STIM2: variants seen among roughly 807,000 people sequenced by gnomAD.
The protein encoded by STIM2 is stromal interaction molecule 2.
A neutral mutation model predicts 85.8 loss-of-function variants in STIM2; 31 were observed. That is an observed-to-expected ratio of 0.36 (90% confidence interval 0.27 to 0.49). The LOEUF (loss-of-function observed/expected upper bound fraction) is 0.49. STIM2 is among the 20% of genes least tolerant of loss of function. The pLI is 0.98. For synonymous variants in STIM2, 356 were observed against 331.1 expected (o/e 1.08, Z -0.82); for missense variants, 841 against 927.6 (o/e 0.91, Z 1.21).
At chr4:26,980,939 C>G (rs115963404) in intron 3 of STIM2, among the ~76,000 whole-genome samples, 3 of 151,972 alleles carry the variant, frequency 2.0e-5, no homozygotes, top group Non-Finnish European at 4.4e-5. Context: ...GATAAGGAGC[C>G]CTTCCTTACT....
chr4:27,016,093 T>G (rs1728723296), intron 10 of STIM2, among the ~76,000 whole-genome samples: 1 of 152,160 alleles, frequency 6.6e-6, no homozygotes, highest in South Asian at 2.1e-4. Context: ...AGTTCTAGTT[T>G]TAACTCATCC....
intron 1 of STIM2, among the ~76,000 whole-genome samples, chr4:26,912,984 G>C (rs185271113): frequency 6.6e-6 from 1 of 152,226 alleles, no homozygotes; most frequent in Non-Finnish European, 1.5e-5. Context: ...GCCATTGACC[G>C]CCAGTAGCAG....
intron 1 of STIM2, among the ~76,000 whole-genome samples, chr4:26,880,018 C>T (rs1031907248): frequency 1.3e-5 from 2 of 152,202 alleles, no homozygotes; most frequent in South Asian, 2.1e-4. Flanking sequence ...GCAGTCTAAT[C>T]TCAGAAGTAC....
At chr4:26,928,655 T>A (rs1725081563) in intron 2 of STIM2, among the ~76,000 whole-genome samples, 1 of 152,166 alleles carries the variant, frequency 6.6e-6, no homozygotes, top group Non-Finnish European at 1.5e-5. Flanking sequence ...ATGACAGGCA[T>A]GCACCAGCGT....
chr4:26,861,503 G>A lies in STIM2; in HGVS notation c.151+134G>A, dbSNP rs1474995765. 13 of 1,210,998 alleles carry A rather than the reference G, an allele frequency of 1.1e-5. No homozygotes were observed. The East Asian group carries it at 4.4e-4, about 41-fold the overall frequency. 75.0% of individuals were successfully genotyped at this position (1,210,998 alleles called of 1,614,324 possible). A position where few individuals can be genotyped will look rare whatever the true frequency, so the allele number is the denominator to read the frequency against. The stretch of plus-strand genomic sequence containing the variant: ...CAGGGCGCGATGCGGAGCCCTGCCT[G>A]CTGCTTCGTCGCGGTCCCCTGCACT... On this transcript the variant is annotated intron_variant, in intron 1 of 11. Coordinates refer to ENST00000467087, the MANE Select transcript of STIM2 (RefSeq NM_020860.4).
intron 3 of STIM2, among the ~76,000 whole-genome samples, chr4:26,970,569 T>C (rs1726908135): frequency 6.6e-6 from 1 of 152,198 alleles, no homozygotes; most frequent in East Asian, 1.9e-4. Flanking sequence ...GCAAAGGACA[T>C]GAACTCATCC....
At chr4:26,944,867 A>G (rs1206399157) in intron 2 of STIM2, among the ~76,000 whole-genome samples, 1 of 152,214 alleles carries the variant, frequency 6.6e-6, no homozygotes, top group East Asian at 1.9e-4. Flanking sequence ...TTTCAAATCT[A>G]ATAGTGCATG....
At chr4:27,000,577 C>T (rs1216023556) in intron 5 of STIM2, among the ~76,000 whole-genome samples, 1 of 152,134 alleles carries the variant, frequency 6.6e-6, no homozygotes, top group African/African-American at 2.4e-5. Context: ...TTTTATTAAT[C>T]TTGGAACTAA....
intron 1 of STIM2, among the ~76,000 whole-genome samples, chr4:26,903,521 T>C (rs1352392742): frequency 6.6e-6 from 1 of 152,186 alleles, no homozygotes; most frequent in Non-Finnish European, 1.5e-5. Context: ...ATGGCATTTA[T>C]TGAAGTACCT....
At chr4:26,864,636 T>G (rs999471699) in intron 1 of STIM2, among the ~76,000 whole-genome samples, 11 of 152,156 alleles carry the variant, frequency 7.2e-5, no homozygotes, top group African/African-American at 2.7e-4. Context: ...AGTGCCTATG[T>G]GAAGGTTTTA....
chr4:26,990,808 G>A (rs1455124857), intron 3 of STIM2, among the ~76,000 whole-genome samples: 2 of 151,970 alleles, frequency 1.3e-5, no homozygotes, highest in East Asian at 3.9e-4. Context: ...ACATACCAGT[G>A]GCCCACAGGT....
chr4:26,916,330 A>G (rs1724578193), intron 1 of STIM2, among the ~76,000 whole-genome samples: 1 of 152,158 alleles, frequency 6.6e-6, no homozygotes, highest in Non-Finnish European at 1.5e-5. Flanking sequence ...TCTGCTGCTC[A>G]AACTTGGCAA....
intron 2 of STIM2, among the ~76,000 whole-genome samples, chr4:26,934,385 C>G (rs1725321410): frequency 6.6e-6 from 1 of 152,104 alleles, no homozygotes; most frequent in South Asian, 2.1e-4. Flanking sequence ...ATAAGTCACA[C>G]AGATTTCATT....
chr4:27,015,443 C>T (rs75464919), intron 10 of STIM2, among the ~76,000 whole-genome samples: 20,406 of 151,068 alleles, frequency 0.14, 1,621 homozygotes, highest in Middle Eastern at 0.26. Context: ...TTATTCATTT[C>T]TTTTTTTTCT....
chr4:26,862,564 A>T (rs1722259011), intron 1 of STIM2, among the ~76,000 whole-genome samples: 1 of 151,986 alleles, frequency 6.6e-6, no homozygotes, highest in South Asian at 2.1e-4. Context: ...TTCTAGAGAG[A>T]AGAAGGATGT....
chr4:26,988,588 C>T (rs1399246362), intron 3 of STIM2, among the ~76,000 whole-genome samples: 1 of 152,148 alleles, frequency 6.6e-6, no homozygotes, highest in East Asian at 1.9e-4. Context: ...TTTAACAACT[C>T]TAGAAACAGG....
rs568099039 is a variant in STIM2, at chr4:26,998,031, G to A, written c.510-1201G>A. On this transcript the variant is annotated intron_variant, in intron 4 of 11. Coordinates refer to ENST00000467087, the MANE Select transcript of STIM2 (RefSeq NM_020860.4). ...CCTATTACTAATTATGTAACCTTAG[G>A]CAAGTTACTCAACCTCTCACAAGTA... Among the ~76,000 whole-genome samples, 15 of 152,224 alleles carry A rather than the reference G, an allele frequency of 9.9e-5. No homozygotes were observed. In the South Asian group the frequency reaches 3.1e-3, roughly 32 times the overall value.
intron 2 of STIM2, among the ~76,000 whole-genome samples, chr4:26,945,866 A>C (rs998723928): frequency 1.3e-5 from 2 of 152,046 alleles, no homozygotes; most frequent in Non-Finnish European, 2.9e-5. Flanking sequence ...CTGTGAACTT[A>C]ACAAGCCTGT....
chr4:26,949,805 CCATT>C (rs1725976911), intron 2 of STIM2, among the ~76,000 whole-genome samples: 1 of 152,074 alleles, frequency 6.6e-6, no homozygotes, highest in Admixed American at 6.6e-5. Context: ...ATCCCATCCC[CCATT>C]CATTATCAGT....
Sources: gnomAD v4.1 joint callset for allele counts (sites outside exome capture counted in the v4.1 genomes callset) on GRCh38, gnomAD v4.1.1 for gene constraint, MANE v1.5 for transcripts, NCBI Gene and HGNC (gene_info 2026-07-23, HGNC 2026-07-21) for gene names.